SOX5: variants seen among roughly 807,000 people sequenced by gnomAD.
SOX5 encodes SRY-box transcription factor 5, also known as transcription factor SOX-5.
Under a neutral mutation model 92.0 loss-of-function variants are expected in SOX5, and 9 were observed. The observed-to-expected ratio is 0.10, with a 90% CI of 0.06 to 0.17. The LOEUF is 0.17. Among genes scored for constraint, SOX5 ranks in the 10% least tolerant of loss-of-function variants. The pLI is 1.00. For synonymous variants in SOX5, 344 were observed against 336.3 expected (o/e 1.02, Z -0.25); for missense variants, 642 against 944.5 (o/e 0.68, Z 4.20).
In SOX5 at chr12:24,285,451, T is replaced by G. The variant is rs112917951; in HGVS notation, c.-173-8139A>C. On this transcript the variant is annotated intron_variant, in intron 2 of 4. Transcript: ENST00000446891. The stretch of plus-strand genomic sequence containing the variant: ...AAACAATCTATTCTTATTCTATACC[T>G]TTTGTTGATTGCTTATCGATATTCT... 4.0e-4 allele frequency among the ~76,000 whole-genome samples: 61 copies of G among 152,324 alleles called. 1 individual carries two copies. The highest frequency in any genetic ancestry group is 1.4e-3 in the African/African-American group (60 of 41,582).
chr12:24,427,323 C>A (rs933857889), intron 1 of SOX5, among the ~76,000 whole-genome samples: 3 of 152,192 alleles, frequency 2.0e-5, no homozygotes, highest in African/African-American at 7.2e-5. Flanking sequence ...TGTCCCAGAA[C>A]TGTTGGTTTA....
intron 2 of SOX5, among the ~76,000 whole-genome samples, chr12:24,279,624 A>C (rs1944922968): frequency 6.6e-6 from 1 of 152,162 alleles, no homozygotes; most frequent in African/African-American, 2.4e-5. Context: ...CTTAAAAAAA[A>C]ACTCAGCTCA....
intron 11 of SOX5, among the ~76,000 whole-genome samples, chr12:23,551,552 A>G (rs1944227673): frequency 6.6e-6 from 1 of 151,814 alleles, no homozygotes; most frequent in South Asian, 2.1e-4. Context: ...TAACTCTAAC[A>G]AAAGTACATG....
intron 4 of SOX5, among the ~76,000 whole-genome samples, chr12:24,008,165 G>A (rs1235367987): frequency 6.6e-6 from 1 of 152,030 alleles, no homozygotes; most frequent in African/African-American, 2.4e-5. Flanking sequence ...GAGATAACGA[G>A]TGAAAAATGG....
chr12:24,025,874 G>T (rs1238833563), intron 4 of SOX5, among the ~76,000 whole-genome samples: 1 of 152,042 alleles, frequency 6.6e-6, no homozygotes, highest in Non-Finnish European at 1.5e-5. Flanking sequence ...TGAATATTAA[G>T]ATTAGTTGGA....
At chr12:24,379,964 G>C (rs1354937650) in intron 1 of SOX5, among the ~76,000 whole-genome samples, 1 of 150,448 alleles carries the variant, frequency 6.6e-6, no homozygotes, top group Non-Finnish European at 1.5e-5. Context: ...AAACCCTCTG[G>C]GCTTGTAGAG....
chr12:24,299,296 G>A (rs540875522), intron 2 of SOX5, among the ~76,000 whole-genome samples: 149 of 152,174 alleles, frequency 9.8e-4, no homozygotes, highest in African/African-American at 3.3e-3. Flanking sequence ...AGCAATTTAC[G>A]ACAAGTTATC....
At chr12:24,271,227 A>T (rs1943692139) in intron 3 of SOX5, among the ~76,000 whole-genome samples, 1 of 152,178 alleles carries the variant, frequency 6.6e-6, no homozygotes, top group Non-Finnish European at 1.5e-5. Context: ...TGTGTAGTGG[A>T]ATCTCATTAA....
At chr12:24,494,056 A>G (rs534371633) in intron 1 of SOX5, among the ~76,000 whole-genome samples, 1 of 152,332 alleles carries the variant, frequency 6.6e-6, no homozygotes, top group East Asian at 1.9e-4. Context: ...AATGATATCT[A>G]TTGAGATTCC....
chr12:23,958,816 T>A (rs1458643974), intron 4 of SOX5, among the ~76,000 whole-genome samples: 127 of 151,754 alleles, frequency 8.4e-4, no homozygotes, highest in Non-Finnish European at 1.6e-4. Flanking sequence ...AAATATATAT[T>A]AAAGAATCAA....
chr12:23,698,627 C>A (rs939997674), intron 6 of SOX5, among the ~76,000 whole-genome samples: 2 of 152,044 alleles, frequency 1.3e-5, no homozygotes, highest in East Asian at 3.9e-4. Flanking sequence ...AACATCTATG[C>A]CACTTTTGAT....
At chr12:24,249,106 T>C (rs916853993) in intron 3 of SOX5, among the ~76,000 whole-genome samples, 2 of 152,224 alleles carry the variant, frequency 1.3e-5, no homozygotes, top group Non-Finnish European at 2.9e-5. Context: ...GAAGCAGTCA[T>C]TTCACACTTG....
intron 4 of SOX5, among the ~76,000 whole-genome samples, chr12:24,126,887 C>T (rs567046022): frequency 3.3e-5 from 5 of 152,106 alleles, no homozygotes; most frequent in Non-Finnish European, 7.3e-5. Flanking sequence ...GGAACTCCTC[C>T]CTTTCTTCGA....
At chr12:24,106,820 AT>A in intron 4 of SOX5, among the ~76,000 whole-genome samples, 1 of 147,554 alleles carries the variant, frequency 6.8e-6, no homozygotes, top group Non-Finnish European at 1.5e-5. Context: ...AATAATAATA[AT>A]AATAATAATA....
At chr12:23,966,104 T>C (rs921581904) in intron 4 of SOX5, among the ~76,000 whole-genome samples, 15 of 151,420 alleles carry the variant, frequency 9.9e-5, no homozygotes, top group African/African-American at 3.6e-4. Flanking sequence ...ATCATTGAAA[T>C]TGAGGCCTAG....
Position 23,949,523 on chromosome 12 carries a change from A to T in SOX5, c.38+41T>A, listed in dbSNP as rs777266807. On this transcript the variant is annotated intron_variant, in intron 1 of 14. Transcript: ENST00000451604. ...TTCAGAGACTACTGTAAAATGGGAG[A>T]GTTGTACTTCAATATATTAGGGGGA... 1.6e-5 allele frequency: 25 copies of T among 1,611,104 alleles called. No individual in the cohort carries two copies. In the African/African-American group the frequency reaches 3.3e-4, roughly 22 times the overall value.
rs568887995 is a variant in SOX5, at chr12:23,654,314, T to C, written c.931+11130A>G. Among the ~76,000 whole-genome samples, 237 of 152,274 alleles carry C rather than the reference T, an allele frequency of 1.6e-3. 4 individuals are homozygous for C. In the South Asian group the frequency reaches 0.048, roughly 31 times the overall value. On this transcript the variant is annotated intron_variant, in intron 7 of 14. Coordinates refer to ENST00000451604, the MANE Select transcript of SOX5 (RefSeq NM_006940.6). ...ATTTATCTCTTGTAAATTTTGATTT[T>C]ATAAACAATTCTTATCCTCTTAGGT...
chr12:24,080,410 G>T (rs2137589939), intron 4 of SOX5, among the ~76,000 whole-genome samples: 1 of 152,088 alleles, frequency 6.6e-6, no homozygotes, highest in East Asian at 1.9e-4. Context: ...CTCCTACAAT[G>T]ATATATCTCT....
chr12:24,101,269 G>T (rs781151834), intron 4 of SOX5, among the ~76,000 whole-genome samples: 5 of 152,036 alleles, frequency 3.3e-5, no homozygotes, highest in Non-Finnish European at 7.4e-5. Flanking sequence ...TCCTTCCTGT[G>T]CCTTGAACAT....
Sources: allele counts gnomAD v4.1 joint callset (sites outside exome capture counted in the v4.1 genomes callset), GRCh38; gene constraint gnomAD v4.1.1; transcripts MANE v1.5; gene names NCBI Gene and HGNC (gene_info 2026-07-23, HGNC 2026-07-21).